UBE2H: variants seen among roughly 807,000 people sequenced by gnomAD.
The protein encoded by UBE2H is ubiquitin conjugating enzyme E2 H, also known as ubiquitin-conjugating enzyme E2 H.
Under a neutral mutation model 29.0 loss-of-function variants are expected in UBE2H, and 3 were observed. That is an observed-to-expected ratio of 0.10 (90% confidence interval 0.05 to 0.27). The LOEUF is 0.27. UBE2H is among the 10% of genes least tolerant of loss of function. The probability of loss-of-function intolerance (pLI) is 1.00; values close to 1 mark genes in which losing one functional copy is unlikely to be tolerated. For missense variants in UBE2H, 68 were observed against 228.2 expected (o/e 0.30, Z 4.52); for synonymous variants, 69 against 82.9 (o/e 0.83, Z 0.91).
rs367930226 is a variant in UBE2H at position 129,864,556 on chromosome 7, C to CTTTTTTTTTTTTT, written c.206-5628_206-5616dup. On this transcript the variant is annotated intron_variant, in intron 3 of 6. Coordinates refer to ENST00000355621, the MANE Select transcript of UBE2H (RefSeq NM_003344.4). Reference sequence around the variant, plus strand: ...CAGGCATTTTCTTTTTCTTTTCTTTCTTTTTTTTTTTTTTTGAGACAGAAT... The same window carrying CTTTTTTTTTTTTT: ...CAGGCATTTTCTTTTTCTTTTCTTTCTTTTTTTTTTTTTTTTTTTTTTTTTTTTGAGACAGAAT... Among the ~76,000 whole-genome samples the CTTTTTTTTTTTTT allele has an allele frequency of 1.7e-4, 22 of 130,958 alleles. 1 individual carries two copies. Among genetic ancestry groups the CTTTTTTTTTTTTT allele is most frequent in the Non-Finnish European group, 2.7e-4 (17 of 63,966 alleles). 85.9% of individuals were successfully genotyped at this position (130,958 alleles called of 152,430 possible). A position where few individuals can be genotyped will look rare whatever the true frequency, so the allele number is the denominator to read the frequency against.
At chr7:129,928,107 C>G (rs944167034) in intron 1 of UBE2H, among the ~76,000 whole-genome samples, 1 of 149,812 alleles carries the variant, frequency 6.7e-6, no homozygotes, top group Admixed American at 6.7e-5. Flanking sequence ...CTGAGGCAGG[C>G]GGATCATGAG....
At chr7:129,873,048 C>A (rs1806074598) in intron 3 of UBE2H, among the ~76,000 whole-genome samples, 2 of 147,480 alleles carry the variant, frequency 1.4e-5, no homozygotes, top group African/African-American at 2.5e-5. Context: ...AGACAAGAGT[C>A]TCGCTCTGTT....
At chr7:129,925,225 G>A (rs1291899227) in intron 1 of UBE2H, among the ~76,000 whole-genome samples, 1 of 152,008 alleles carries the variant, frequency 6.6e-6, no homozygotes, top group African/African-American at 2.4e-5. Flanking sequence ...GCGAGCTCCT[G>A]TAATCCCAGC....
In UBE2H at chr7:129,932,773, C is replaced by CAAAAAAAAA. The variant is rs1208871059; in HGVS notation, c.53+19721_53+19729dup. Among the ~76,000 whole-genome samples the CAAAAAAAAA allele has an allele frequency of 6.9e-4, 23 of 33,202 alleles. 2 individuals are homozygous for CAAAAAAAAA. The highest frequency in any genetic ancestry group is 4.3e-3 in the East Asian group (5 of 1,156). 21.8% of individuals were successfully genotyped at this position (33,202 alleles called of 152,430 possible). A position where few individuals can be genotyped will look rare whatever the true frequency, so the allele number is the denominator to read the frequency against. ...TGGGCGACAGAGCGAGACTCCGTCT[C>CAAAAAAAAA]AAAAAAAAAAAAAAAAAAAAAAAAG... On this transcript the variant is annotated intron_variant, in intron 1 of 6. Transcript: ENST00000355621.
intron 1 of UBE2H, among the ~76,000 whole-genome samples, chr7:129,941,156 TG>T (rs1563053641): frequency 6.6e-6 from 1 of 152,104 alleles, no homozygotes; most frequent in African/African-American, 2.4e-5. Context: ...GGTTTCACCA[TG>T]TTGCCCAGGC....
intron 6 of UBE2H, among the ~76,000 whole-genome samples, chr7:129,838,889 G>A (rs767964176): frequency 7.9e-5 from 12 of 152,164 alleles, no homozygotes; most frequent in Non-Finnish European, 1.5e-4. Flanking sequence ...CGCCTGCCTC[G>A]GGCTACCAAA....
At chr7:129,913,735 T>C (rs758978176) in intron 1 of UBE2H, among the ~76,000 whole-genome samples, 93 of 151,782 alleles carry the variant, frequency 6.1e-4, no homozygotes, top group Non-Finnish European at 6.6e-4. Flanking sequence ...GCCCAGGAAT[T>C]GGAGGCTGCA....
chr7:129,944,748 A>ACACACACACGCACG (rs34490269), intron 1 of UBE2H, among the ~76,000 whole-genome samples: 11 of 140,038 alleles, frequency 7.9e-5, no homozygotes, highest in African/African-American at 3.0e-4. Flanking sequence ...ACACACACAC[A>ACACACACACGCACG]CACGCACGCA....
intron 1 of UBE2H, among the ~76,000 whole-genome samples, chr7:129,883,668 C>G (rs1806299245): frequency 6.6e-6 from 1 of 152,142 alleles, no homozygotes; most frequent in African/African-American, 2.4e-5. Context: ...ATGGCGAAAC[C>G]CTATCTCTAC....
intron 1 of UBE2H, among the ~76,000 whole-genome samples, chr7:129,893,302 C>T (rs55772531): frequency 0.063 from 9,520 of 152,236 alleles, 369 homozygotes; most frequent in Non-Finnish European, 0.092. Context: ...GGAAAATCAT[C>T]ACTATAACTT....
At chr7:129,897,263 A>C (rs967970291) in intron 1 of UBE2H, among the ~76,000 whole-genome samples, 5 of 152,208 alleles carry the variant, frequency 3.3e-5, no homozygotes, top group African/African-American at 1.2e-4. Context: ...ATAAATCCAG[A>C]GGAAAAAGGA....
chr7:129,838,266 AAAC>A (rs2116263020), intron 6 of UBE2H, among the ~76,000 whole-genome samples: 1 of 152,354 alleles, frequency 6.6e-6, no homozygotes, highest in Non-Finnish European at 1.5e-5. Context: ...AAGAATTAGA[AAAC>A]AAATAGAAGA....
At chr7:129,921,694 C>CACAAAAAAAAAAAAAAAAAAAAAAAAAA (rs1325226224) in intron 1 of UBE2H, among the ~76,000 whole-genome samples, 1 of 68,512 alleles carries the variant, frequency 1.5e-5, no homozygotes. Flanking sequence ...GACTCTGTCA[C>CACAAAAAAAAAAAAAAAAAAAAAAAAAA]AAAAAAAAAA....
In UBE2H at chr7:129,832,940, C is replaced by A. The variant is rs1805257585; in HGVS notation, c.*1997G>T. 1 of 152,014 alleles carries A rather than the reference C, an allele frequency of 6.6e-6. No homozygotes were observed. Among genetic ancestry groups the A allele is most frequent in the African/African-American group, 2.4e-5 (1 of 41,368 alleles). The allele number at this position is 152,014 out of a possible 1,614,324, so 9.4% of individuals were successfully genotyped here. A position where few individuals can be genotyped will look rare whatever the true frequency, so the allele number is the denominator to read the frequency against. On this transcript the variant is annotated 3_prime_UTR_variant, in exon 7 of 7. Transcript: ENST00000355621. ...AAGTTAGACAGTGCCAGCAGAGAGA[C>A]CCTCCCTCCCCCAAAGCAATGAGAA...
chr7:129,895,671 C>T (rs1051126337), intron 1 of UBE2H, among the ~76,000 whole-genome samples: 3 of 151,944 alleles, frequency 2.0e-5, no homozygotes, highest in African/African-American at 2.4e-5. Flanking sequence ...GAGGTCAAGG[C>T]GGGTGGATCA....
intron 1 of UBE2H, among the ~76,000 whole-genome samples, chr7:129,902,266 A>G (rs900168856): frequency 6.6e-6 from 1 of 152,208 alleles, no homozygotes; most frequent in Admixed American, 6.5e-5. Flanking sequence ...TGGGAGGCCG[A>G]GGCGGATGGA....
At chr7:129,936,874 A>G (rs751200587) in intron 1 of UBE2H, among the ~76,000 whole-genome samples, 9 of 149,602 alleles carry the variant, frequency 6.0e-5, no homozygotes, top group Non-Finnish European at 1.2e-4. Flanking sequence ...GCTACCCAGG[A>G]GGCTGAGGCA....
At chr7:129,947,938 C>CGCCT (rs1292806878) in intron 1 of UBE2H, among the ~76,000 whole-genome samples, 1 of 152,008 alleles carries the variant, frequency 6.6e-6, no homozygotes, top group Non-Finnish European at 1.5e-5. Context: ...CCACAACCTC[C>CGCCT]GCCTCATGGG....
At chr7:129,839,685 T>C (rs1489997628) in intron 5 of UBE2H, 1 of 259,062 alleles carries the variant, frequency 3.9e-6, no homozygotes, top group African/African-American at 2.4e-5. Flanking sequence ...CTTAAAAGAA[T>C]TGAAGACAGT....
Sources: allele counts gnomAD v4.1 joint callset (sites outside exome capture counted in the v4.1 genomes callset), GRCh38; gene constraint gnomAD v4.1.1; transcripts MANE v1.5; gene names NCBI Gene and HGNC (gene_info 2026-07-23, HGNC 2026-07-21).